The following SLC24A2 variants were observed in gnomAD, a reference collection of about 807,000 sequenced individuals.
The protein encoded by SLC24A2 is solute carrier family 24 member 2.
A neutral mutation model predicts 62.0 loss-of-function variants in SLC24A2; 36 were observed. The ratio of observed to expected loss-of-function variants is 0.58; its 90% CI spans 0.44 to 0.77. SLC24A2 has a LOEUF of 0.77. Among genes scored for constraint, SLC24A2 ranks in the 30% least tolerant of loss-of-function variants. The probability of loss-of-function intolerance (pLI) is 0.00; values close to 1 mark genes in which losing one functional copy is unlikely to be tolerated. For missense variants in SLC24A2, 846 were observed against 817.9 expected, an observed-to-expected ratio of 1.03 and a Z score of -0.42; for synonymous variants, 358 against 294.0, an observed-to-expected ratio of 1.22 and a Z score of -2.23.
At chr9:19,593,645 T>C (rs567175833) in intron 5 of SLC24A2, among the ~76,000 whole-genome samples, 4 of 152,190 alleles carry the variant, frequency 2.6e-5, no homozygotes, top group Non-Finnish European at 5.9e-5. Context: ...ATTCTTAGTC[T>C]ATGGTATCCA....
intron 3 of SLC24A2, among the ~76,000 whole-genome samples, chr9:19,621,813 A>G (rs1817915597): frequency 6.6e-6 from 1 of 152,190 alleles, no homozygotes; most frequent in Admixed American, 6.5e-5. Context: ...TGTATTATAT[A>G]TACATTAAGT....
chr9:19,921,582 A>G, the SLC24A2 span, among the ~76,000 whole-genome samples: 1 of 152,126 alleles, frequency 6.6e-6, no homozygotes, highest in Non-Finnish European at 1.5e-5. Context: ...ATATTGAATA[A>G]TCTCACTTCA....
chr9:20,104,552 C>T, the SLC24A2 span, among the ~76,000 whole-genome samples: 1 of 152,322 alleles, frequency 6.6e-6, no homozygotes, highest in Middle Eastern at 3.4e-3. Context: ...ATTCAGCATT[C>T]TTAAAGAAAA....
the SLC24A2 span, among the ~76,000 whole-genome samples, chr9:19,979,653 T>C: frequency 6.6e-6 from 1 of 152,172 alleles, no homozygotes; most frequent in Admixed American, 6.6e-5. Context: ...TACTCTTAGT[T>C]ACTAGCTGAC....
At chr9:19,699,429 G>A (rs1449613767) in intron 2 of SLC24A2, among the ~76,000 whole-genome samples, 2 of 152,078 alleles carry the variant, frequency 1.3e-5, no homozygotes, top group Non-Finnish European at 2.9e-5. Flanking sequence ...ATTATGTACA[G>A]GCTTATAACC....
At chr9:19,909,775 G>C in the SLC24A2 span, among the ~76,000 whole-genome samples, 1 of 152,048 alleles carries the variant, frequency 6.6e-6, no homozygotes, top group Non-Finnish European at 1.5e-5. Flanking sequence ...TCCTGCATCT[G>C]TTGATTTTCA....
intron 2 of SLC24A2, among the ~76,000 whole-genome samples, chr9:19,758,467 TA>T (rs1322370854): frequency 6.6e-6 from 1 of 152,216 alleles, no homozygotes; most frequent in Non-Finnish European, 1.5e-5. Context: ...GAAAGTTTTC[TA>T]ATTAGGACTA....
intron 2 of SLC24A2, among the ~76,000 whole-genome samples, chr9:19,750,293 T>A (rs138617508): frequency 7.9e-5 from 12 of 152,090 alleles, no homozygotes; most frequent in African/African-American, 2.9e-4. Flanking sequence ...TTAAGCATCC[T>A]CTGCTTGGAT....
chr9:19,800,973 T>C, the SLC24A2 span, among the ~76,000 whole-genome samples: 1 of 152,358 alleles, frequency 6.6e-6, no homozygotes, highest in East Asian at 1.9e-4. Flanking sequence ...ACCTTATATG[T>C]AATCCACAGG....
At chr9:20,112,613 A>C in the SLC24A2 span, among the ~76,000 whole-genome samples, 1 of 152,138 alleles carries the variant, frequency 6.6e-6, no homozygotes, top group Non-Finnish European at 1.5e-5. Context: ...TCATATACTC[A>C]AAGCAATAAT....
chr9:19,560,940 G>GACGGAC (rs60637938), intron 7 of SLC24A2, among the ~76,000 whole-genome samples: 1 of 130,916 alleles, frequency 7.6e-6, no homozygotes, highest in African/African-American at 2.8e-5. Context: ...GAGAGAGAGA[G>GACGGAC]AGAGAGACAG....
chr9:19,854,507 T>C, the SLC24A2 span, among the ~76,000 whole-genome samples: 1 of 152,216 alleles, frequency 6.6e-6, no homozygotes, highest in Non-Finnish European at 1.5e-5. Context: ...TTTGTTCTCA[T>C]TAGTTTCAAA....
chr9:19,632,095 C>A lies in SLC24A2; in HGVS notation c.931-9796G>T, dbSNP rs998639191. Among the ~76,000 whole-genome samples the A allele has an allele frequency of 2.0e-5, 3 of 152,142 alleles. No homozygotes were observed. The highest frequency in any genetic ancestry group is 7.2e-5 in the African/African-American group (3 of 41,438). On this transcript the variant is annotated intron_variant, in intron 2 of 10. Transcript: ENST00000341998. The surrounding 1 kb of genome is among the most constrained non-coding windows in gnomAD (Gnocchi z 4.5). ...AGGACTAGGAGTCCCATTAGTGGGG[C>A]TTGACATGAGGACAGTTACCTTCTC...
At chr9:19,778,365 CA>C (rs1383939372) in intron 2 of SLC24A2, among the ~76,000 whole-genome samples, 2 of 151,942 alleles carry the variant, frequency 1.3e-5, no homozygotes, top group Admixed American at 6.6e-5. Context: ...TTTAGAAATA[CA>C]AACATGAGGC....
chr9:20,142,434 C>T, the SLC24A2 span, among the ~76,000 whole-genome samples: 1 of 149,314 alleles, frequency 6.7e-6, no homozygotes. Flanking sequence ...AACCAGACTG[C>T]AAGGTCACTT....
chr9:20,240,254 A>G, the SLC24A2 span, among the ~76,000 whole-genome samples: 2 of 152,144 alleles, frequency 1.3e-5, no homozygotes, highest in African/African-American at 4.8e-5. Context: ...TAATTCACCT[A>G]TTTGTTTTTC....
In SLC24A2 at chr9:19,511,631, G is replaced by A. The variant is rs7868461; in HGVS notation, c.*4522C>T. 41,291 of 152,042 alleles carry A rather than the reference G, an allele frequency of 0.27. 5,638 individuals carry two copies. The highest frequency in any genetic ancestry group is 0.38 in the Middle Eastern group (111 of 292). 9.4% of individuals were successfully genotyped at this position (152,042 alleles called of 1,614,324 possible). ...TTGTTGAGACAGGTATAGGGGTTGA[G>A]GAGGTATCTTTTAAAAATATTAAGC... On this transcript the variant is annotated 3_prime_UTR_variant, in exon 11 of 11. Coordinates refer to ENST00000341998, the MANE Select transcript of SLC24A2 (RefSeq NM_020344.4).
the SLC24A2 span, among the ~76,000 whole-genome samples, chr9:20,306,335 C>A: frequency 6.6e-6 from 1 of 152,178 alleles, no homozygotes; most frequent in Non-Finnish European, 1.5e-5. Context: ...ACAACAACAA[C>A]AACAAAAAAT....
the SLC24A2 span, among the ~76,000 whole-genome samples, chr9:19,798,873 C>A: frequency 6.6e-6 from 1 of 152,226 alleles, no homozygotes; most frequent in South Asian, 2.1e-4. Context: ...TACTTTATTT[C>A]TGGTTAAAAA....
Sources: gnomAD v4.1 joint callset for allele counts (sites outside exome capture counted in the v4.1 genomes callset) on GRCh38, gnomAD v4.1.1 for gene constraint, Gnocchi (gnomAD v3.1) non-coding constraint, MANE v1.5 for transcripts, NCBI Gene and HGNC (gene_info 2026-07-23, HGNC 2026-07-21) for gene names.